PLPPR1: variants seen among roughly 807,000 people sequenced by gnomAD.
PLPPR1 encodes phospholipid phosphatase related 1.
A neutral mutation model predicts 33.1 loss-of-function variants in PLPPR1; 10 were observed. The ratio of observed to expected loss-of-function variants is 0.30; its 90% confidence interval spans 0.19 to 0.51. The LOEUF (loss-of-function observed/expected upper bound fraction) is 0.51. PLPPR1 is among the 20% of genes least tolerant of loss of function. The pLI is 0.97. For missense variants in PLPPR1, 304 were observed against 408.1 expected, an observed-to-expected ratio of 0.74 and a Z score of 2.20; for synonymous variants, 151 against 151.0, an observed-to-expected ratio of 1.00 and a Z score of 0.00.
intron 2 of PLPPR1, chr9:101,187,413 C>A (rs1052059201): frequency 6.6e-6 from 1 of 151,890 alleles, no homozygotes; most frequent in African/African-American, 2.4e-5. Context: ...CTGTAGCTTA[C>A]CCTGACACAA....
chr9:101,206,525 C>A (rs1391941031), intron 2 of PLPPR1, among the ~76,000 whole-genome samples: 1 of 152,124 alleles, frequency 6.6e-6, no homozygotes, highest in Admixed American at 6.5e-5. Context: ...CTGTTCTGTG[C>A]TTTTGAGTTG....
In PLPPR1 at chr9:101,180,123, TATATATATATATATATATATACAC is replaced by T. The variant is rs1466303995; in HGVS notation, c.-45-5325_-45-5302del. ...ATATATATATATATATATATATATA[TATATATATATATATATATATACAC>T]ACACACACACACACATACACACACA... On this transcript the variant is annotated intron_variant, in intron 1 of 7. Transcript: ENST00000374874. 8.6e-3 allele frequency among the ~76,000 whole-genome samples: 368 copies of T among 42,932 alleles called. 14 individuals carry two copies. Among genetic ancestry groups the T allele is most frequent in the African/African-American group, 0.022 (340 of 15,690 alleles). The allele number at this position is 42,932 out of a possible 152,430, so 28.2% of individuals were successfully genotyped here.
chr9:101,144,154 A>T lies in PLPPR1; in HGVS notation c.-45-41296A>T, dbSNP rs370591212. Reference sequence around the variant, plus strand: ...AGCTGGAAACCATTATTCTCAGCAAACTATCATAAGGACAGAAAACCAAAC... The same window carrying T: ...AGCTGGAAACCATTATTCTCAGCAATCTATCATAAGGACAGAAAACCAAAC... On this transcript the variant is annotated intron_variant, in intron 1 of 7. Coordinates refer to ENST00000374874, the MANE Select transcript of PLPPR1 (RefSeq NM_207299.2). Among the ~76,000 whole-genome samples, 14 of 152,264 alleles carry T rather than the reference A, an allele frequency of 9.2e-5. No individual in the cohort carries two copies. In the East Asian group the frequency reaches 2.5e-3, roughly 27 times the overall value.
At chr9:101,272,153 G>A (rs1160571267) in intron 3 of PLPPR1, among the ~76,000 whole-genome samples, 1 of 152,102 alleles carries the variant, frequency 6.6e-6, no homozygotes, top group African/African-American at 2.4e-5. Flanking sequence ...ATATTTACTA[G>A]TGATGCCTTA....
intron 1 of PLPPR1, among the ~76,000 whole-genome samples, chr9:101,040,244 C>T (rs1185222654): frequency 6.6e-6 from 1 of 152,096 alleles, no homozygotes; most frequent in Admixed American, 6.5e-5. Flanking sequence ...TTTTTCAAGT[C>T]TCATTTGCCT....
intron 2 of PLPPR1, among the ~76,000 whole-genome samples, chr9:101,191,280 AT>A (rs1407657160): frequency 6.6e-6 from 1 of 152,106 alleles, no homozygotes; most frequent in Admixed American, 6.5e-5. Flanking sequence ...GAGGACATCT[AT>A]TTTCTCATCA....
intron 1 of PLPPR1, among the ~76,000 whole-genome samples, chr9:101,053,926 G>A (rs1830252375): frequency 6.6e-6 from 1 of 152,136 alleles, no homozygotes; most frequent in Non-Finnish European, 1.5e-5. Flanking sequence ...GCTCACACCT[G>A]TAATCCCAGT....
intron 1 of PLPPR1, among the ~76,000 whole-genome samples, chr9:101,181,253 A>G (rs1826105781): frequency 6.7e-6 from 1 of 149,608 alleles, no homozygotes; most frequent in Admixed American, 6.7e-5. Context: ...AATTAAAACC[A>G]CAATGAGGTA....
chr9:101,083,391 A>G (rs1446652679), intron 1 of PLPPR1, among the ~76,000 whole-genome samples: 3 of 24,236 alleles, frequency 1.2e-4, no homozygotes, highest in Non-Finnish European at 3.1e-4. Flanking sequence ...CATCTCAAGA[A>G]AAAAAAAAAA....
intron 2 of PLPPR1, among the ~76,000 whole-genome samples, chr9:101,214,431 CACAT>C (rs1826748256): frequency 6.6e-6 from 1 of 151,958 alleles, no homozygotes; most frequent in Non-Finnish European, 1.5e-5. Context: ...TGCACACACA[CACAT>C]ATACACACAC....
intron 1 of PLPPR1, among the ~76,000 whole-genome samples, chr9:101,147,310 G>A (rs562674056): frequency 6.6e-6 from 1 of 152,190 alleles, no homozygotes; most frequent in African/African-American, 2.4e-5. Context: ...CTGTCTTTGG[G>A]TGGGTTTTAC....
intron 4 of PLPPR1, among the ~76,000 whole-genome samples, chr9:101,291,251 T>C (rs1320334610): frequency 6.6e-6 from 1 of 152,184 alleles, no homozygotes; most frequent in Non-Finnish European, 1.5e-5. Context: ...CGCCCGCCAT[T>C]GCCCAGGCTT....
intron 4 of PLPPR1, among the ~76,000 whole-genome samples, chr9:101,305,729 GA>G (rs1828848168): frequency 6.6e-6 from 1 of 152,060 alleles, no homozygotes; most frequent in Non-Finnish European, 1.5e-5. Context: ...TGGTGGCTTT[GA>G]AGATCTCCTT....
At chr9:101,146,270 C>T (rs926520333) in intron 1 of PLPPR1, among the ~76,000 whole-genome samples, 5 of 152,144 alleles carry the variant, frequency 3.3e-5, no homozygotes, top group African/African-American at 7.2e-5. Flanking sequence ...GAAAAAATGA[C>T]TAGTTAGGCA....
intron 4 of PLPPR1, among the ~76,000 whole-genome samples, chr9:101,308,179 G>A (rs1828888933): frequency 6.6e-6 from 1 of 152,172 alleles, no homozygotes; most frequent in Non-Finnish European, 1.5e-5. Context: ...ATGCAGGTGT[G>A]GTTGAAGTTG....
intron 1 of PLPPR1, among the ~76,000 whole-genome samples, chr9:101,037,321 A>G (rs1830021547): frequency 6.6e-6 from 1 of 152,092 alleles, no homozygotes; most frequent in Admixed American, 6.5e-5. Flanking sequence ...TTCTCTGGGT[A>G]TTATGGCATC....
At chr9:101,222,922 G>C (rs1475045917) in intron 2 of PLPPR1, among the ~76,000 whole-genome samples, 1 of 151,310 alleles carries the variant, frequency 6.6e-6, no homozygotes, top group East Asian at 1.9e-4. Context: ...AGGACTTTAA[G>C]TGTTTTGGTT....
chr9:101,304,068 CTTTGA>C (rs2118946323), intron 4 of PLPPR1, among the ~76,000 whole-genome samples: 2 of 151,462 alleles, frequency 1.3e-5, no homozygotes, highest in African/African-American at 4.9e-5. Context: ...ATAGAGAGTG[CTTTGA>C]TTTGTGAATT....
intron 1 of PLPPR1, among the ~76,000 whole-genome samples, chr9:101,079,916 CAT>C (rs199758858): frequency 5.3e-5 from 8 of 151,818 alleles, no homozygotes; most frequent in African/African-American, 1.7e-4. Flanking sequence ...ATTTTTTTCT[CAT>C]TCTGGAAGTT....
Sources: gnomAD v4.1 joint callset for allele counts (sites outside exome capture counted in the v4.1 genomes callset) on GRCh38, gnomAD v4.1.1 for gene constraint, MANE v1.5 for transcripts, NCBI Gene and HGNC (gene_info 2026-07-23, HGNC 2026-07-21) for gene names.